Variants in AARS1 observed in about 807,000 individuals in gnomAD.
AARS1 encodes alanyl-tRNA synthetase 1.
AARS1 carries 72 observed loss-of-function variants against 108.9 expected under a neutral mutation model. The observed-to-expected ratio is 0.66, with a 90% CI of 0.55 to 0.80. The LOEUF is 0.80. AARS1 is among the 30% of genes least tolerant of loss of function. The pLI is 0.00. For synonymous variants in AARS1, 489 were observed against 465.7 expected, an observed-to-expected ratio of 1.05 and a Z score of -0.64; for missense variants, 1,193 against 1,233.2, an observed-to-expected ratio of 0.97 and a Z score of 0.49.
rs558968519 is a variant in AARS1 at position 70,278,167 on chromosome 16, C to T, written c.145-1013G>A. Among the ~76,000 whole-genome samples, 7 of 152,086 alleles carry T rather than the reference C, an allele frequency of 4.6e-5. No homozygotes were observed. The South Asian group carries it at 1.5e-3, about 32-fold the overall frequency. On this transcript the variant is annotated intron_variant, in intron 2 of 20. Transcript: ENST00000261772. The stretch of plus-strand genomic sequence containing the variant: ...GCCAAGAAGGGAGGATTCCTTCGAG[C>T]CCAGAGTTCAAGACCAGCCTGGGAA...
At chr16:70,260,693 C>T (rs1451167272) in intron 13 of AARS1, among the ~76,000 whole-genome samples, 3 of 151,714 alleles carry the variant, frequency 2.0e-5, no homozygotes, top group East Asian at 3.9e-4. Context: ...GGCGGAGTCT[C>T]GCTCTGTTGC....
intron 9 of AARS1, among the ~76,000 whole-genome samples, chr16:70,266,763 C>T (rs1469436910): frequency 6.6e-6 from 1 of 151,864 alleles, no homozygotes; most frequent in African/African-American, 2.4e-5. Context: ...CTCAGGTGAT[C>T]TGCCTGCCTC....
rs376087556 is a variant in AARS1, at chr16:70,262,531, A to G, written c.1493-7T>C. 2.3e-4 allele frequency: 365 copies of G among 1,606,686 alleles called. 1 individual carries two copies. The highest frequency in any genetic ancestry group is 3.0e-4 in the Non-Finnish European group (349 of 1,173,956). Reference sequence around the variant, plus strand: ...GCCACTGTGTTCTCAAATACTGCTCAAGGGAAATGCATAGAAAGGGGACAG... The same window carrying G: ...GCCACTGTGTTCTCAAATACTGCTCGAGGGAAATGCATAGAAAGGGGACAG... On this transcript the variant is annotated splice_polypyrimidine_tract_variant and splice_region_variant and intron_variant, in intron 11 of 20. Transcript: ENST00000261772.
chr16:70,268,506 A>G, intron 7 of AARS1, 127 bp from the exon 8 acceptor site: 1 of 726,430 alleles, frequency 1.4e-6, no homozygotes, highest in Middle Eastern at 2.4e-4. Context: ...CTTCTTTCGC[A>G]TTCCCCAAGG....
intron 14 of AARS1, 113 bp from the exon 15 acceptor site, chr16:70,258,330 C>G (rs1265067265): frequency 8.7e-7 from 1 of 1,151,988 alleles, no homozygotes; most frequent in Non-Finnish European, 1.3e-6. Flanking sequence ...CTGGCTTGGC[C>G]TAGCACGTGC....
Position 70,253,289 on chromosome 16 carries a change from C to T in AARS1, c.2700G>A (p.Thr900=), listed in dbSNP as rs140814462. Residue 900 remains threonine, a synonymous_variant, in exon 20 of 21, where the codon ACG becomes ACA. Transcript: ENST00000261772. ...TGACCTGGGGAACTTGACACAGGCACGTGATCTTGCCAGCCTCATTGTCCA... is the reference window on the plus strand; with the variant it reads ...TGACCTGGGGAACTTGACACAGGCATGTGATCTTGCCAGCCTCATTGTCCA... ...FTVDNEAGKI[T]CLCQVPQNAA... is the part of the protein sequence containing the mutation. 257 of 1,614,038 alleles carry T rather than the reference C, an allele frequency of 1.6e-4. No individual in the cohort carries two copies. The highest frequency in any genetic ancestry group is 6.9e-4 in the East Asian group (31 of 44,878).
chr16:70,258,057 G>C lies in AARS1; in HGVS notation c.2153C>G (p.Thr718Ser), dbSNP rs1172337973. The change falls in exon 15 of 21, where the codon ACT becomes AGT. Residue 718 changes from threonine (T) to serine (S), a missense_variant. Thr to Ser is a moderately conservative substitution (Grantham distance 58). Transcript: ENST00000261772. Reference sequence around the variant, plus strand: ...CGTTCCCCCACAGAACTCAACAGAAGTCAGGGAGCCAGCAGGCCCAGAGGG... The same window carrying C: ...CGTTCCCCCACAGAACTCAACAGAACTCAGGGAGCCAGCAGGCCCAGAGGG... ...DDPSGPAGSL[T>S]SVEFCGGTHL... 1.5e-5 allele frequency: 25 copies of C among 1,614,142 alleles called. No individual in the cohort carries two copies. The highest frequency in any genetic ancestry group is 2.0e-5 in the Non-Finnish European group (24 of 1,180,016).
Position 70,252,686 on chromosome 16 carries a change from C to G in AARS1, c.*35G>C, listed in dbSNP as rs1276267053. On this transcript the variant is annotated 3_prime_UTR_variant, in exon 21 of 21. Coordinates refer to ENST00000261772, the MANE Select transcript of AARS1 (RefSeq NM_001605.3). The stretch of plus-strand genomic sequence containing the variant: ...AGCAGATGAAGAGCTCTTGGCTGGA[C>G]GGATGGATCCAGTGGGAGCCTCCTC... The G allele has an allele frequency of 5.0e-6, 8 of 1,610,148 alleles. No individual in the cohort carries two copies. The highest frequency in any genetic ancestry group is 3.6e-4 in the Middle Eastern group (2 of 5,630).
intron 4 of AARS1, 142 bp downstream of exon 4, chr16:70,276,344 C>G: frequency 1.1e-6 from 1 of 940,888 alleles, no homozygotes; most frequent in South Asian, 1.4e-5. Context: ...AAGCGATTCT[C>G]TAGCCTCACT....
At chr16:70,277,663 T>C (rs913533550) in intron 2 of AARS1, among the ~76,000 whole-genome samples, 6 of 152,172 alleles carry the variant, frequency 3.9e-5, no homozygotes, top group African/African-American at 1.2e-4. Flanking sequence ...TATCAGGTCA[T>C]GCTTTGATGT....
chr16:70,283,629 C>A (rs1159549247), intron 1 of AARS1, among the ~76,000 whole-genome samples: 1 of 152,150 alleles, frequency 6.6e-6, no homozygotes, highest in Non-Finnish European at 1.5e-5. Flanking sequence ...GTTCCACTAG[C>A]CCCAAAGTCA....
chr16:70,267,209 A>T (rs1960284654), intron 9 of AARS1, among the ~76,000 whole-genome samples: 1 of 152,196 alleles, frequency 6.6e-6, no homozygotes, highest in Non-Finnish European at 1.5e-5. Context: ...TGTTCATTAT[A>T]CTTCAATAAA....
chr16:70,256,185 C>T (rs1019221104), intron 15 of AARS1, among the ~76,000 whole-genome samples: 8 of 152,198 alleles, frequency 5.3e-5, no homozygotes, highest in Non-Finnish European at 1.0e-4. Flanking sequence ...CACTAGGTGA[C>T]AATTTTGGAG....
chr16:70,256,776 A>G (rs1960002252), intron 15 of AARS1, among the ~76,000 whole-genome samples: 1 of 152,070 alleles, frequency 6.6e-6, no homozygotes, highest in South Asian at 2.1e-4. Context: ...CCTGCCTGCC[A>G]GAGGCCTGCA....
intron 1 of AARS1, 39 bp from the exon 2 acceptor site, chr16:70,282,823 T>C (rs1960737540): frequency 1.1e-5 from 18 of 1,595,038 alleles, no homozygotes; most frequent in Middle Eastern, 1.8e-4. Context: ...ATTAAGGGAA[T>C]TGAAAGTCAA....
In AARS1 at chr16:70,272,058, G is replaced by T. The variant is rs567492888; in HGVS notation, c.480-86C>A. ...GCAACCACCGCAAAAGAAATTCTTA[G>T]GATTGGCCGGGCACAGTGGCTCATG... On this transcript the variant is annotated intron_variant, in intron 4 of 20. Transcript: ENST00000261772. 4 of 1,288,982 alleles carry T rather than the reference G, an allele frequency of 3.1e-6. No homozygotes were observed. The African/African-American group carries it at 5.8e-5, about 19-fold the overall frequency. 79.8% of individuals were successfully genotyped at this position (1,288,982 alleles called of 1,614,324 possible).
At chr16:70,287,597 G>T (rs1183859625) in intron 1 of AARS1, among the ~76,000 whole-genome samples, 2 of 151,084 alleles carry the variant, frequency 1.3e-5, no homozygotes, top group African/African-American at 4.9e-5. Flanking sequence ...TTTTTAATTG[G>T]CCAGGTGTGG....
At position 70,282,696 on chromosome 16, in the gene AARS1, T is replaced by C. The variant is rs778574466; in HGVS notation, c.68A>G (p.His23Arg). The C allele has an allele frequency of 6.2e-7, 1 of 1,614,158 alleles. No individual in the cohort carries two copies. The highest frequency in any genetic ancestry group is 8.5e-7 in the Non-Finnish European group (1 of 1,180,016). ...GGTGGCAGACGAGTGAACATACGTA[T>C]GCTCGTTCCTCTTGAAGAAATCTAT... ...RFIDFFKRNE[H>R]TYVHSSATIP... Residue 23 changes from histidine (H) to arginine (R), a missense_variant, in exon 2 of 21, where the codon CAT (histidine) becomes CGT (arginine). Transcript: ENST00000261772.
At position 70,267,741 on chromosome 16, in the gene AARS1, C is replaced by T. The variant is rs149055899; in HGVS notation, c.1140G>A (p.Val380=). The T allele has an allele frequency of 7.4e-6, 12 of 1,614,034 alleles. No individual in the cohort carries two copies. In the African/African-American group the frequency reaches 8.0e-5, roughly 11 times the overall value. Reference sequence around the variant, plus strand: ...CTCTGCTGAGAGTCTTGAGAAACTGCACCTCTTCTTCATTAATGATGTCCT... The same window carrying T: ...CTCTGCTGAGAGTCTTGAGAAACTGTACCTCTTCTTCATTAATGATGTCCT... ...MVKDIINEEE[V]QFLKTLSRGR... is the part of the protein sequence containing the mutation. The change falls in exon 9 of 21, where the codon GTG becomes GTA. Residue 380 remains valine, a synonymous_variant. Transcript: ENST00000261772.
Sources: allele counts gnomAD v4.1 joint callset (sites outside exome capture counted in the v4.1 genomes callset), GRCh38; gene constraint gnomAD v4.1.1; transcripts MANE v1.5; gene names NCBI Gene and HGNC (gene_info 2026-07-23, HGNC 2026-07-21).